DRAXIN: variants seen among roughly 807,000 people sequenced by gnomAD.
The protein encoded by DRAXIN is dorsal repulsive axon guidance protein.
Under a neutral mutation model 33.9 loss-of-function variants are expected in DRAXIN, and 27 were observed. The observed-to-expected ratio is 0.80, with a 90% CI of 0.59 to 1.10. DRAXIN has a LOEUF of 1.10. DRAXIN is among the 50% of genes least tolerant of loss of function. The probability of loss-of-function intolerance (pLI) is 0.00; values close to 1 mark genes in which losing one functional copy is unlikely to be tolerated. For synonymous variants in DRAXIN, 178 were observed against 194.0 expected, an observed-to-expected ratio of 0.92 and a Z score of 0.69; for missense variants, 371 against 460.8, an observed-to-expected ratio of 0.81 and a Z score of 1.78.
chr1:11,715,163 C>A lies in DRAXIN; in HGVS notation c.892C>A (p.Arg298=), dbSNP rs751522271. 5 of 1,614,240 alleles carry A rather than the reference C, an allele frequency of 3.1e-6. No homozygotes were observed. In the East Asian group the frequency reaches 1.1e-4, roughly 36 times the overall value. Residue 298 remains arginine (R), a synonymous_variant, in exon 6 of 7, where the codon CGA becomes AGA. Transcript: ENST00000294485. ...LREHLCTPHN[R]GLNNKCFDDC... is the part of the protein sequence containing the mutation. ...GGAGCATCTCTGCACACCCCACAACCGAGGCCTCAACAACAAATGCTTCGA... is the reference window on the plus strand; with the variant it reads ...GGAGCATCTCTGCACACCCCACAACAGAGGCCTCAACAACAAATGCTTCGA...
At chr1:11,715,812 G>A (rs1246496317) in intron 6 of DRAXIN, among the ~76,000 whole-genome samples, 1 of 152,196 alleles carries the variant, frequency 6.6e-6, no homozygotes, top group Non-Finnish European at 1.5e-5. Context: ...AGCCAACTGG[G>A]GCACAGAAAG....
chr1:11,704,122 G>A lies in DRAXIN; in HGVS notation c.-10-2127G>A, dbSNP rs1031016008. Among the ~76,000 whole-genome samples, 7 of 152,162 alleles carry A rather than the reference G, an allele frequency of 4.6e-5. No homozygotes were observed. The highest frequency in any genetic ancestry group is 1.7e-4 in the African/African-American group (7 of 41,430). ...CTCTGCTCTCTTGCCCGCACTGTCT[G>A]GGTTTTCTTCCTCATTCCCCTCAAC... On this transcript the variant is annotated intron_variant, in intron 1 of 6. Coordinates refer to ENST00000294485, the MANE Select transcript of DRAXIN (RefSeq NM_198545.4). The surrounding 1 kb of genome is among the most constrained non-coding windows in gnomAD (Gnocchi z 4.6).
chr1:11,718,000 C>CAAAAAAAAAAAAAA (rs57704802), intron 6 of DRAXIN, among the ~76,000 whole-genome samples: 3 of 80,876 alleles, frequency 3.7e-5, no homozygotes, highest in Non-Finnish European at 6.5e-5. Flanking sequence ...GACCCTGTCT[C>CAAAAAAAAAAAAAA]AAAAAAAAAA....
intron 6 of DRAXIN, among the ~76,000 whole-genome samples, 169 bp downstream of exon 6, chr1:11,715,377 G>A (rs868542172): frequency 5.9e-5 from 9 of 152,240 alleles, no homozygotes; most frequent in Non-Finnish European, 8.8e-5. Context: ...AGCCGAAGAC[G>A]TGAGCAAGAA....
At position 11,724,586 on chromosome 1, in the gene DRAXIN, G is replaced by C. The variant is rs1641713613; in HGVS notation, c.*4890G>C. ...TCTACCACTGAGCTGCTGGAGGTGG[G>C]TCCTTATTTCAAGCCATATTCAACC... On this transcript the variant is annotated 3_prime_UTR_variant, in exon 7 of 7. Transcript: ENST00000294485. 6.6e-6 allele frequency: 1 copy of C among 152,024 alleles called. No individual in the cohort carries two copies. The highest frequency in any genetic ancestry group is 1.5e-5 in the Non-Finnish European group (1 of 68,072). 9.4% of individuals were successfully genotyped at this position (152,024 alleles called of 1,614,324 possible). A position where few individuals can be genotyped will look rare whatever the true frequency, so the allele number is the denominator to read the frequency against.
upstream of DRAXIN, among the ~76,000 whole-genome samples, chr1:11,689,117 G>A (rs1234102787): frequency 7.9e-5 from 12 of 152,120 alleles, no homozygotes; most frequent in African/African-American, 1.4e-4. Context: ...GCAACATGGC[G>A]AAACCCTGTC....
At position 11,722,596 on chromosome 1, in the gene DRAXIN, GC is replaced by G. The variant is rs1456977627; in HGVS notation, c.*2902del. On this transcript the variant is annotated 3_prime_UTR_variant, in exon 7 of 7. Coordinates refer to ENST00000294485, the MANE Select transcript of DRAXIN (RefSeq NM_198545.4). ...TTAAATTTATTTTGCTCATACAGAA[GC>G]CAGTTTCCTCTAATCCAGGGTTTAG... 2 of 152,388 alleles carry G rather than the reference GC, an allele frequency of 1.3e-5. No individual in the cohort carries two copies. Among genetic ancestry groups the G allele is most frequent in the African/African-American group, 2.4e-5 (1 of 41,440 alleles). 9.4% of individuals were successfully genotyped at this position (152,388 alleles called of 1,614,324 possible). A position where few individuals can be genotyped will look rare whatever the true frequency, so the allele number is the denominator to read the frequency against.
At position 11,704,236 on chromosome 1, in the gene DRAXIN, A is replaced by G. The variant is rs9430211; in HGVS notation, c.-10-2013A>G. On this transcript the variant is annotated intron_variant, in intron 1 of 6. Transcript: ENST00000294485. This position sits in a 1 kb window ranked among gnomAD's most constrained non-coding sequence, Gnocchi z 4.6. The stretch of plus-strand genomic sequence containing the variant: ...CTAGGACGCTCTTCGGGCTTCTCCC[A>G]GGCTGTCATGTCCCTGCAGGACAGA... 0.36 allele frequency among the ~76,000 whole-genome samples: 55,158 copies of G among 152,172 alleles called. 10,309 individuals are homozygous for G. The highest frequency in any genetic ancestry group is 0.44 in the Admixed American group (6,795 of 15,286).
chr1:11,698,080 A>G (rs1641219063), intron 1 of DRAXIN, among the ~76,000 whole-genome samples: 1 of 151,876 alleles, frequency 6.6e-6, no homozygotes, highest in African/African-American at 2.4e-5. Flanking sequence ...CACAAACCAC[A>G]CAGAAGCACT....
chr1:11,708,299 T>G (rs953971725), intron 2 of DRAXIN, among the ~76,000 whole-genome samples: 3 of 152,200 alleles, frequency 2.0e-5, no homozygotes. Context: ...GGCCCTGCTC[T>G]GCTAATGACT....
At chr1:11,710,325 C>A (rs1254350907) in intron 3 of DRAXIN, among the ~76,000 whole-genome samples, 1 of 151,634 alleles carries the variant, frequency 6.6e-6, no homozygotes, top group Non-Finnish European at 1.5e-5. Flanking sequence ...GACCCTGTGT[C>A]TACAAAACTT....
At chr1:11,700,600 T>A (rs997621366) in intron 1 of DRAXIN, among the ~76,000 whole-genome samples, 1 of 152,274 alleles carries the variant, frequency 6.6e-6, no homozygotes, top group African/African-American at 2.4e-5. Context: ...TAGAATCAGA[T>A]GCTTACAGAA....
intron 1 of DRAXIN, among the ~76,000 whole-genome samples, chr1:11,695,629 T>C (rs926799377): frequency 2.7e-5 from 4 of 146,286 alleles, no homozygotes; most frequent in Non-Finnish European, 6.0e-5. Context: ...TATATATATA[T>C]ACTTCAAAGG....
chr1:11,716,479 G>C (rs780704749), intron 6 of DRAXIN, among the ~76,000 whole-genome samples: 13 of 152,180 alleles, frequency 8.5e-5, no homozygotes, highest in Non-Finnish European at 1.5e-4. Flanking sequence ...ACATCTCCTG[G>C]ATGGGGGAAT....
At chr1:11,718,994 G>A (rs1238246339) in intron 6 of DRAXIN, among the ~76,000 whole-genome samples, 1 of 151,970 alleles carries the variant, frequency 6.6e-6, no homozygotes, top group Admixed American at 6.6e-5. Flanking sequence ...TCCACCTCCC[G>A]GGTTCATGTG....
At position 11,706,402 on chromosome 1, in the gene DRAXIN, G is replaced by T. The variant is rs1038678697; in HGVS notation, c.144G>T (p.Ala48=). The change falls in exon 2 of 7, where the codon GCG becomes GCT. Residue 48 remains alanine (A), a synonymous_variant. Coordinates refer to ENST00000294485, the MANE Select transcript of DRAXIN (RefSeq NM_198545.4). This position sits in a 1 kb window ranked among gnomAD's most constrained non-coding sequence, Gnocchi z 5.5. Reference sequence around the variant, plus strand: ...ATCACATTGACCTCCCAGGCCCAGCGCTGTGGACGCCTCAGGCCAGCCACC... The same window carrying T: ...ATCACATTGACCTCCCAGGCCCAGCTCTGTGGACGCCTCAGGCCAGCCACC... The part of the protein sequence containing the change: ...PENHIDLPGP[A]LWTPQASHHR... 12 of 1,612,912 alleles carry T rather than the reference G, an allele frequency of 7.4e-6. No homozygotes were observed. Among genetic ancestry groups the T allele is most frequent in the African/African-American group, 5.3e-5 (4 of 74,920 alleles).
At chr1:11,690,737 G>A (rs1641046662), upstream of DRAXIN, among the ~76,000 whole-genome samples, 6 of 152,222 alleles carry the variant, frequency 3.9e-5, no homozygotes, top group South Asian at 1.2e-3. This position sits in a 1 kb window ranked among gnomAD's most constrained non-coding sequence, Gnocchi z 4.2. Context: ...TGGCCCCACC[G>A]ACCCCGTCGT....
chr1:11,690,574 G>T (rs1015461974), upstream of DRAXIN, among the ~76,000 whole-genome samples: 2 of 152,216 alleles, frequency 1.3e-5, no homozygotes, highest in Non-Finnish European at 2.9e-5. This position sits in a 1 kb window ranked among gnomAD's most constrained non-coding sequence, Gnocchi z 4.2. Flanking sequence ...GCAGAACTGT[G>T]TTCTAAAACC....
intron 6 of DRAXIN, 63 bp from the exon 7 acceptor site, chr1:11,719,521 G>GGGAA: frequency 7.0e-7 from 1 of 1,432,720 alleles, no homozygotes; most frequent in South Asian, 1.2e-5. Flanking sequence ...GAGCGTGCAG[G>GGGAA]GGAAGGAAGG....
Sources: allele counts gnomAD v4.1 joint callset (sites outside exome capture counted in the v4.1 genomes callset), GRCh38; gene constraint gnomAD v4.1.1; non-coding constraint Gnocchi (gnomAD v3.1); transcripts MANE v1.5; gene names NCBI Gene and HGNC (gene_info 2026-07-23, HGNC 2026-07-21).